The following RHOBTB1 variants were observed in gnomAD, a reference collection of about 807,000 sequenced individuals.
RHOBTB1 encodes the protein rho-related BTB domain-containing protein 1.
In RHOBTB1, 40 loss-of-function variants were observed where a neutral mutation model predicts 71.6. The ratio of observed to expected loss-of-function variants is 0.56; its 90% confidence interval spans 0.43 to 0.73. The LOEUF (loss-of-function observed/expected upper bound fraction) is 0.73, where lower values mean the gene tolerates loss of function less well. Among genes scored for constraint, RHOBTB1 ranks in the 30% least tolerant of loss-of-function variants. RHOBTB1 has a pLI of 0.00. For synonymous variants in RHOBTB1, 319 were observed against 334.9 expected (o/e 0.95, Z 0.52); for missense variants, 797 against 894.0 (o/e 0.89, Z 1.38).
At chr10:60,994,126 T>C (rs1426779957) in intron 1 of RHOBTB1, among the ~76,000 whole-genome samples, 1 of 152,148 alleles carries the variant, frequency 6.6e-6, no homozygotes, top group Non-Finnish European at 1.5e-5. Flanking sequence ...ATCCTGATCT[T>C]TATTAATTCA....
At chr10:60,942,092 G>A (rs933886815) in intron 1 of RHOBTB1, among the ~76,000 whole-genome samples, 1 of 151,874 alleles carries the variant, frequency 6.6e-6, no homozygotes, top group Non-Finnish European at 1.5e-5. Context: ...CTCTTGGGAC[G>A]ATACCAAAAA....
In RHOBTB1 at chr10:60,871,607, A is replaced by G; in HGVS notation, c.1966T>C (p.Tyr656His). The G allele has an allele frequency of 6.2e-7, 1 of 1,614,042 alleles. No individual in the cohort carries two copies. The highest frequency in any genetic ancestry group is 1.1e-5 in the South Asian group (1 of 91,082). ...FERHRWPPVW[Y>H]LKEEDHYQRV... The stretch of plus-strand genomic sequence containing the variant: ...TGGTAGTGATCTTCTTCCTTCAGGT[A>G]CCACACAGGGGGCCAGCGGTGCCGC... The change falls in exon 11 of 11, where the codon TAC (tyrosine) becomes CAC (histidine). Residue 656 changes from tyrosine (Y) to histidine (H), a missense_variant. By Grantham distance (83) the Tyr-to-His change is moderately conservative. This residue lies in a region of RHOBTB1 where 658 missense variants were observed against 681.5 expected (regional missense o/e 0.97). Coordinates refer to ENST00000337910, the MANE Select transcript of RHOBTB1 (RefSeq NM_014836.5).
In RHOBTB1 at chr10:60,994,306, T is replaced by C. The variant is rs2086970500; in HGVS notation, c.-163+7093A>G. Among the ~76,000 whole-genome samples the C allele has an allele frequency of 2.0e-5, 3 of 152,160 alleles. No individual in the cohort carries two copies. In the South Asian group the frequency reaches 6.2e-4, roughly 32 times the overall value. On this transcript the variant is annotated intron_variant, in intron 1 of 11. Coordinates refer to the RHOBTB1 transcript ENST00000357917. The stretch of plus-strand genomic sequence containing the variant: ...ATGAAATAATCAAATGGTAGTATAC[T>C]ACAATAAATAAAACAAAGTGATGTA...
rs187178563 is a variant in RHOBTB1 at position 60,977,000 on chromosome 10, T to C, written c.-62+8845A>G. On this transcript the variant is annotated intron_variant, in intron 2 of 11. Coordinates refer to the RHOBTB1 transcript ENST00000357917. ...TCCTTGCAATAAATTTTTTAAAATCTTAGCTTCATTGGCTAAATTTAAGAG... is the reference window on the plus strand; with the variant it reads ...TCCTTGCAATAAATTTTTTAAAATCCTAGCTTCATTGGCTAAATTTAAGAG... Among the ~76,000 whole-genome samples, 90 of 152,200 alleles carry C rather than the reference T, an allele frequency of 5.9e-4. 1 individual carries two copies. The East Asian group carries it at 7.3e-3, about 12-fold the overall frequency.
At chr10:60,868,331 C>T (rs2080651116), downstream of RHOBTB1, among the ~76,000 whole-genome samples, 1 of 152,138 alleles carries the variant, frequency 6.6e-6, no homozygotes, top group African/African-American at 2.4e-5. Flanking sequence ...CTATCTATCT[C>T]TGTGCCAATT....
chr10:60,884,851 G>A (rs7923774), intron 7 of RHOBTB1, among the ~76,000 whole-genome samples: 5,560 of 152,176 alleles, frequency 0.037, 179 homozygotes, highest in East Asian at 0.095. Context: ...AATGGGGAAA[G>A]GAAAGCCATC....
intron 2 of RHOBTB1, among the ~76,000 whole-genome samples, chr10:60,972,089 T>C (rs1203694792): frequency 1.3e-5 from 2 of 152,118 alleles, no homozygotes; most frequent in Non-Finnish European, 2.9e-5. Flanking sequence ...ACATTGTTGG[T>C]GGGAGTGTAA....
At position 60,904,771 on chromosome 10, in the gene RHOBTB1, TA is replaced by T. The variant is rs148452567; in HGVS notation, c.296+6115del. Among the ~76,000 whole-genome samples the T allele has an allele frequency of 8.0e-3, 1,217 of 152,362 alleles. 17 individuals are homozygous for T. The highest frequency in any genetic ancestry group is 0.028 in the African/African-American group (1,179 of 41,588). ...GTTCAAATAGGAGAGCTAACAGTTT[TA>T]ACCTAACCTCTTAGGGAACAACTAT... On this transcript the variant is annotated intron_variant, in intron 4 of 10. Transcript: ENST00000337910.
At chr10:60,941,424 A>G (rs2084897379) in intron 2 of RHOBTB1, among the ~76,000 whole-genome samples, 2 of 152,146 alleles carry the variant, frequency 1.3e-5, no homozygotes, top group Admixed American at 6.5e-5. Flanking sequence ...TTCATGCTCA[A>G]TAAGTCAATT....
At chr10:60,960,006 G>T (rs374460650) in intron 2 of RHOBTB1, among the ~76,000 whole-genome samples, 10 of 152,160 alleles carry the variant, frequency 6.6e-5, no homozygotes, top group Admixed American at 5.9e-4. Context: ...ATAAACAGTA[G>T]GCTGGAAATA....
intron 2 of RHOBTB1, among the ~76,000 whole-genome samples, chr10:60,958,948 A>C (rs988843454): frequency 3.3e-5 from 5 of 152,184 alleles, no homozygotes; most frequent in Non-Finnish European, 5.9e-5. Context: ...TAATTAATAT[A>C]GTGGCATCTT....
rs1204209602 is a variant in RHOBTB1 at position 60,941,798 on chromosome 10, A to C, written c.-11+6T>G. On this transcript the variant is annotated splice_donor_region_variant and intron_variant, in intron 2 of 10. Coordinates refer to ENST00000337910, the MANE Select transcript of RHOBTB1 (RefSeq NM_014836.5). ...TATAGTCATGGGTTTGCACAAAGACACTGACCTGGCTTGCTGGAAGTGAAG... is the reference window on the plus strand; with the variant it reads ...TATAGTCATGGGTTTGCACAAAGACCCTGACCTGGCTTGCTGGAAGTGAAG... 1 of 152,638 alleles carries C rather than the reference A, an allele frequency of 6.6e-6. No individual in the cohort carries two copies. The highest frequency in any genetic ancestry group is 1.5e-5 in the Non-Finnish European group (1 of 68,040). The allele number at this position is 152,638 out of a possible 1,614,324, so 9.5% of individuals were successfully genotyped here.
In RHOBTB1 at chr10:60,925,579, G is replaced by A. The variant is rs10430493; in HGVS notation, c.-10-14027C>T. On this transcript the variant is annotated intron_variant, in intron 2 of 10. Coordinates refer to ENST00000337910, the MANE Select transcript of RHOBTB1 (RefSeq NM_014836.5). The stretch of plus-strand genomic sequence containing the variant: ...ATTAGTAGAAGAATTAATAAAGATC[G>A]GAGCAGAAATAAATGAAATTGAGAT... 8.8e-3 allele frequency among the ~76,000 whole-genome samples: 1,330 copies of A among 151,682 alleles called. 57 individuals are homozygous for A. The East Asian group carries it at 0.1, about 12-fold the overall frequency.
chr10:60,908,065 A>C (rs936817688), intron 4 of RHOBTB1, among the ~76,000 whole-genome samples: 3 of 152,232 alleles, frequency 2.0e-5, no homozygotes, highest in Non-Finnish European at 4.4e-5. Context: ...AATGGGTAGA[A>C]TAGTTCCATT....
chr10:60,907,610 T>C (rs982177837), intron 4 of RHOBTB1, among the ~76,000 whole-genome samples: 1 of 152,230 alleles, frequency 6.6e-6, no homozygotes, highest in Non-Finnish European at 1.5e-5. Flanking sequence ...TGCTACTCTG[T>C]TTCCTTCATC....
At position 60,888,256 on chromosome 10, in the gene RHOBTB1, T is replaced by G; in HGVS notation, c.1412A>C (p.Lys471Thr). 1 of 1,614,118 alleles carries G rather than the reference T, an allele frequency of 6.2e-7. No individual in the cohort carries two copies. The highest frequency in any genetic ancestry group is 8.5e-7 in the Non-Finnish European group (1 of 1,180,004). ...QEITKAFHVR[K>T]ANRIKECLSK... ...GAGACACTCTTTTATCCGATTGGCT[T>G]TCCTTACGTGAAAGGCTTTCGTAAT... The change falls in exon 6 of 11, where the codon AAA becomes ACA. Residue 471 changes from lysine to threonine, a missense_variant. Physicochemically the swap from Lys to Thr is moderately conservative, Grantham distance 78. Transcript: ENST00000337910.
At chr10:60,935,281 C>T (rs1379340058) in intron 2 of RHOBTB1, among the ~76,000 whole-genome samples, 1 of 152,014 alleles carries the variant, frequency 6.6e-6, no homozygotes, top group African/African-American at 2.4e-5. Context: ...GCAGGCAAAA[C>T]TAATTTATGG....
rs553382167 is a variant in RHOBTB1, at chr10:60,888,019, G to T, written c.1456+193C>A. ...CCTTGGTTTCTCCACCTGCAAAATGGAGACAATCATATTTAACCTTTAAGT... is the reference window on the plus strand; with the variant it reads ...CCTTGGTTTCTCCACCTGCAAAATGTAGACAATCATATTTAACCTTTAAGT... On this transcript the variant is annotated intron_variant, in intron 6 of 10. Coordinates refer to ENST00000337910, the MANE Select transcript of RHOBTB1 (RefSeq NM_014836.5). 2.0e-5 allele frequency among the ~76,000 whole-genome samples: 3 copies of T among 152,158 alleles called. No homozygotes were observed. The East Asian group carries it at 5.8e-4, about 29-fold the overall frequency.
At position 60,878,066 on chromosome 10, in the gene RHOBTB1, G is replaced by T. The variant is rs2081128127; in HGVS notation, c.1576-8C>A. 1 of 1,606,606 alleles carries T rather than the reference G, an allele frequency of 6.2e-7. No individual in the cohort carries two copies. Among genetic ancestry groups the T allele is most frequent in the East Asian group, 2.2e-5 (1 of 44,680 alleles). Reference sequence around the variant, plus strand: ...TATGTTCGGGAGATACACCTGAAATGTTATACAAAAAGCTAAATTCTGCTG... The same window carrying T: ...TATGTTCGGGAGATACACCTGAAATTTTATACAAAAAGCTAAATTCTGCTG... On this transcript the variant is annotated splice_region_variant and splice_polypyrimidine_tract_variant and intron_variant, in intron 7 of 10. Transcript: ENST00000337910.
Sources: allele counts gnomAD v4.1 joint callset (sites outside exome capture counted in the v4.1 genomes callset), GRCh38; gene constraint gnomAD v4.1.1; regional missense constraint gnomAD v4.1.1; transcripts MANE v1.5; gene names NCBI Gene and HGNC (gene_info 2026-07-23, HGNC 2026-07-21).